Variants in CSMD1 observed in about 807,000 individuals in gnomAD.
CSMD1 encodes the protein CUB and sushi domain-containing protein 1.
Under a neutral mutation model 417.5 loss-of-function variants are expected in CSMD1, and 213 were observed. That is an observed-to-expected ratio of 0.51 (90% confidence interval 0.46 to 0.57). The LOEUF is 0.57. Among genes scored for constraint, CSMD1 ranks in the 20% least tolerant of loss-of-function variants. The pLI, the probability that CSMD1 is intolerant of heterozygous loss-of-function variation, is 0.00. For synonymous variants in CSMD1, 2,862 were observed against 1,736.8 expected (o/e 1.65, Z -16.11); for missense variants, 6,923 against 4,529.7 (o/e 1.53, Z -15.17).
chr8:4,270,760 C>T (rs1011042765), intron 3 of CSMD1, among the ~76,000 whole-genome samples: 2 of 152,172 alleles, frequency 1.3e-5, no homozygotes, highest in Non-Finnish European at 2.9e-5. Flanking sequence ...CTACTCATCA[C>T]CTGCACGGCA....
At chr8:4,408,912 A>G (rs892419380) in intron 3 of CSMD1, among the ~76,000 whole-genome samples, 9 of 152,212 alleles carry the variant, frequency 5.9e-5, no homozygotes, top group African/African-American at 2.2e-4. Context: ...AACTTTAGGT[A>G]GCAAGAACAT....
chr8:3,031,231 G>A (rs1055333146), intron 50 of CSMD1, among the ~76,000 whole-genome samples: 5 of 147,850 alleles, frequency 3.4e-5, no homozygotes, highest in South Asian at 4.3e-4. Flanking sequence ...AACATGCACC[G>A]CATGTTCTCA....
intron 11 of CSMD1, among the ~76,000 whole-genome samples, chr8:3,478,911 C>T (rs1232119313): frequency 6.6e-6 from 1 of 152,106 alleles, no homozygotes; most frequent in Non-Finnish European, 1.5e-5. Flanking sequence ...GAGTCTCTTC[C>T]CCACCCAGAC....
chr8:3,989,933 A>G (rs1429059699), intron 5 of CSMD1, among the ~76,000 whole-genome samples: 1 of 152,206 alleles, frequency 6.6e-6, no homozygotes, highest in African/African-American at 2.4e-5. Flanking sequence ...AAAGAGAAAA[A>G]TTAGATATTC....
rs117641991 is a variant in CSMD1, at chr8:4,066,590, G to A, written c.416-34491C>T. Among the ~76,000 whole-genome samples the A allele has an allele frequency of 6.0e-4, 92 of 152,286 alleles. 4 individuals are homozygous for A. In the East Asian group the frequency reaches 0.014, roughly 24 times the overall value. On this transcript the variant is annotated intron_variant, in intron 3 of 69. Coordinates refer to ENST00000635120, the MANE Select transcript of CSMD1 (RefSeq NM_033225.6). The stretch of plus-strand genomic sequence containing the variant: ...ATGATGTGGTAATTGTAGTTCACGT[G>A]ATTATACCCAGAAGGGAAATGTACC...
intron 3 of CSMD1, among the ~76,000 whole-genome samples, chr8:4,186,027 G>A (rs1019917890): frequency 1.3e-5 from 2 of 152,096 alleles, no homozygotes; most frequent in African/African-American, 2.4e-5. Context: ...CAAATCCCTA[G>A]GTACATAGTG....
intron 3 of CSMD1, among the ~76,000 whole-genome samples, chr8:4,140,878 C>T (rs1279567799): frequency 1.3e-5 from 2 of 151,032 alleles, no homozygotes; most frequent in Non-Finnish European, 2.9e-5. Context: ...TGGGAGATTG[C>T]TGATCGCCAA....
chr8:4,767,962 G>T (rs933591975), intron 1 of CSMD1, among the ~76,000 whole-genome samples: 4 of 152,070 alleles, frequency 2.6e-5, no homozygotes, highest in Non-Finnish European at 4.4e-5. Context: ...TCGAGGGCGT[G>T]GGTCAATCTA....
At chr8:3,454,023 T>G (rs1344148969) in intron 12 of CSMD1, among the ~76,000 whole-genome samples, 1 of 152,196 alleles carries the variant, frequency 6.6e-6, no homozygotes, top group Non-Finnish European at 1.5e-5. Flanking sequence ...ATATTTAGGA[T>G]AGTTAGCTCT....
intron 2 of CSMD1, among the ~76,000 whole-genome samples, chr8:4,444,724 A>C (rs1798680144): frequency 6.6e-6 from 1 of 152,172 alleles, no homozygotes; most frequent in African/African-American, 2.4e-5. Flanking sequence ...GCATGAAGGA[A>C]AATAATGAGG....
chr8:4,020,266 G>A (rs775015181), intron 4 of CSMD1, among the ~76,000 whole-genome samples: 2 of 152,264 alleles, frequency 1.3e-5, no homozygotes, highest in African/African-American at 2.4e-5. Context: ...GACAGCACTG[G>A]GATTTGCCCC....
rs192040336 is a variant in CSMD1, at chr8:4,678,758, G to A, written c.86-41200C>T. Among the ~76,000 whole-genome samples, 244 of 152,260 alleles carry A rather than the reference G, an allele frequency of 1.6e-3. 3 individuals carry two copies. The highest frequency in any genetic ancestry group is 5.7e-3 in the African/African-American group (237 of 41,556). The stretch of plus-strand genomic sequence containing the variant: ...GCTAATTTCAAAATAAATATCTACA[G>A]GAAAGTTGTCTCTCGTCTTACCTTT... On this transcript the variant is annotated intron_variant, in intron 1 of 69. Coordinates refer to ENST00000635120, the MANE Select transcript of CSMD1 (RefSeq NM_033225.6).
At chr8:3,672,300 G>C (rs907611893) in intron 7 of CSMD1, among the ~76,000 whole-genome samples, 3 of 152,080 alleles carry the variant, frequency 2.0e-5, no homozygotes, top group Admixed American at 6.6e-5. Context: ...GAAATAGTCT[G>C]AGAATCCTAA....
At chr8:4,111,249 C>G (rs543906560) in intron 3 of CSMD1, among the ~76,000 whole-genome samples, 3 of 152,068 alleles carry the variant, frequency 2.0e-5, no homozygotes, top group Non-Finnish European at 2.9e-5. Flanking sequence ...TTTCTATTAT[C>G]ATCAGTCAGT....
chr8:4,177,351 C>T (rs2552100), intron 3 of CSMD1, among the ~76,000 whole-genome samples: 2 of 152,044 alleles, frequency 1.3e-5, no homozygotes, highest in African/African-American at 4.8e-5. Context: ...AACGAAATGA[C>T]GGCAGAAATA....
chr8:3,284,175 G>C lies in CSMD1; in HGVS notation c.4122C>G (p.Ile1374Met), dbSNP rs1014294691. Residue 1374 changes from isoleucine (I) to methionine (M), a missense_variant, in exon 26 of 70, where the codon ATC becomes ATG. Coordinates refer to ENST00000635120, the MANE Select transcript of CSMD1 (RefSeq NM_033225.6). ...ACTGGATGGAGAAGCCAGACTTGCT[G>C]ATGAAGAAGTCGCTGTCGAACTGCA... The part of the protein sequence containing the change: ...LTLQFDSDFF[I>M]SKSGFSIQFS... 6.3e-7 allele frequency: 1 copy of C among 1,584,900 alleles called. No individual in the cohort carries two copies. Among genetic ancestry groups the C allele is most frequent in the Admixed American group, 1.8e-5 (1 of 54,542 alleles).
At chr8:4,415,744 C>G (rs1563150043) in intron 3 of CSMD1, among the ~76,000 whole-genome samples, 1 of 152,316 alleles carries the variant, frequency 6.6e-6, no homozygotes, top group Admixed American at 6.5e-5. Context: ...TGTGTATCCA[C>G]TTACACTTGT....
At chr8:3,514,711 G>A (rs1317548955) in intron 10 of CSMD1, among the ~76,000 whole-genome samples, 1 of 151,886 alleles carries the variant, frequency 6.6e-6, no homozygotes, top group Non-Finnish European at 1.5e-5. Context: ...ATTTGAAGCT[G>A]AACCATGATA....
intron 2 of CSMD1, among the ~76,000 whole-genome samples, chr8:4,442,940 G>A (rs570738327): frequency 3.9e-5 from 6 of 152,076 alleles, no homozygotes; most frequent in East Asian, 1.9e-4. Flanking sequence ...GTCCCTCAAC[G>A]TAATGTATCT....
Sources: gnomAD v4.1 joint callset for allele counts (sites outside exome capture counted in the v4.1 genomes callset) on GRCh38, gnomAD v4.1.1 for gene constraint, MANE v1.5 for transcripts, NCBI Gene and HGNC (gene_info 2026-07-23, HGNC 2026-07-21) for gene names.